WDPCP: variants seen among roughly 807,000 people sequenced by gnomAD.
WDPCP encodes WD repeat-containing and planar cell polarity effector protein fritz homolog.
WDPCP carries 71 observed loss-of-function variants against 93.1 expected under a neutral mutation model. The observed-to-expected ratio is 0.76, with a 90% CI of 0.63 to 0.93. The LOEUF (loss-of-function observed/expected upper bound fraction) is 0.93, where lower values mean the gene tolerates loss of function less well. Among genes scored for constraint, WDPCP ranks in the 40% least tolerant of loss-of-function variants. The probability of loss-of-function intolerance (pLI) is 0.00; values close to 1 mark genes in which losing one functional copy is unlikely to be tolerated. For missense variants in WDPCP, 844 were observed against 887.4 expected (o/e 0.95, Z 0.62); for synonymous variants, 315 against 315.0 (o/e 1.00, Z 0.00).
chr2:63,519,248 T>G (rs1187382643), intron 1 of WDPCP: 1 of 152,290 alleles, frequency 6.6e-6, no homozygotes, highest in Non-Finnish European at 1.5e-5. Flanking sequence ...AGCCCTGCCC[T>G]CTGCCCTGCA....
chr2:63,451,713 G>A (rs1178439499), intron 6 of WDPCP, among the ~76,000 whole-genome samples: 5 of 152,116 alleles, frequency 3.3e-5, no homozygotes, highest in African/African-American at 4.8e-5. Context: ...CTGGCAAACC[G>A]AATCCAGCAG....
At chr2:63,713,356 C>T (rs1669289945) in intron 2 of WDPCP, among the ~76,000 whole-genome samples, 2 of 152,158 alleles carry the variant, frequency 1.3e-5, no homozygotes, top group African/African-American at 4.8e-5. Context: ...CTTTATCAAG[C>T]ATAGAGGGAT....
At chr2:63,242,825 G>C (rs1338033781) in intron 14 of WDPCP, among the ~76,000 whole-genome samples, 2 of 152,172 alleles carry the variant, frequency 1.3e-5, no homozygotes, top group Admixed American at 1.3e-4. Context: ...CTCCTGGGTT[G>C]TAGCCTGAAC....
chr2:63,709,478 G>T (rs1462915493), intron 2 of WDPCP, among the ~76,000 whole-genome samples: 1 of 152,076 alleles, frequency 6.6e-6, no homozygotes, highest in Non-Finnish European at 1.5e-5. Context: ...ATTACGCTAT[G>T]AAAAATATTC....
chr2:63,173,268 CAAAAA>C (rs10714315), intron 15 of WDPCP, among the ~76,000 whole-genome samples: 1 of 123,984 alleles, frequency 8.1e-6, no homozygotes, highest in Non-Finnish European at 1.6e-5. Context: ...AACTCTGTCG[CAAAAA>C]AAAAAAAAAA....
At chr2:63,612,391 G>A (rs1709623750) in intron 3 of WDPCP, among the ~76,000 whole-genome samples, 1 of 152,148 alleles carries the variant, frequency 6.6e-6, no homozygotes, top group South Asian at 2.1e-4. Context: ...TGCCACTTTA[G>A]CATAAGAAGT....
chr2:63,577,214 A>T, intron 1 of WDPCP, among the ~76,000 whole-genome samples: 1 of 152,194 alleles, frequency 6.6e-6, no homozygotes, highest in Non-Finnish European at 1.5e-5. Context: ...ATCTTGCCTT[A>T]TATTAGTAAG....
intron 2 of WDPCP, among the ~76,000 whole-genome samples, chr2:63,707,266 A>G (rs555143321): frequency 1.3e-5 from 2 of 152,260 alleles, no homozygotes; most frequent in East Asian, 1.9e-4. Context: ...AGGTACACCA[A>G]TCAGATGTAG....
chr2:63,599,044 T>C, intron 3 of WDPCP: 1 of 752,056 alleles, frequency 1.3e-6, no homozygotes, highest in East Asian at 2.9e-5. Flanking sequence ...TGCTATATTG[T>C]ATTTGGTGTT....
chr2:63,230,035 C>A (rs978611016), intron 14 of WDPCP, among the ~76,000 whole-genome samples: 2 of 151,444 alleles, frequency 1.3e-5, no homozygotes, highest in South Asian at 4.2e-4. Flanking sequence ...TGCTGCACCC[C>A]TTAACTCATC....
At chr2:63,535,700 C>T (rs1704222498) in intron 1 of WDPCP, among the ~76,000 whole-genome samples, 1 of 152,108 alleles carries the variant, frequency 6.6e-6, no homozygotes, top group African/African-American at 2.4e-5. Context: ...ACACTTTATA[C>T]AAAAATTAAT....
At chr2:63,252,305 T>C (rs1270765588) in intron 14 of WDPCP, among the ~76,000 whole-genome samples, 3 of 152,186 alleles carry the variant, frequency 2.0e-5, no homozygotes, top group Admixed American at 6.5e-5. Context: ...GAGCCATCTA[T>C]GACAAACCCA....
chr2:63,669,564 T>G (rs1313926490), intron 2 of WDPCP, among the ~76,000 whole-genome samples: 2 of 152,088 alleles, frequency 1.3e-5, no homozygotes, highest in East Asian at 3.9e-4. Context: ...TTTGCCATGA[T>G]GGCCAGGCTG....
At chr2:63,277,948 CATTCT>C (rs2104910738) in intron 13 of WDPCP, among the ~76,000 whole-genome samples, 1 of 152,268 alleles carries the variant, frequency 6.6e-6, no homozygotes, top group Non-Finnish European at 1.5e-5. Flanking sequence ...GCAGAATATA[CATTCT>C]ATTCATCAGC....
intron 15 of WDPCP, among the ~76,000 whole-genome samples, chr2:63,166,567 ATTTT>A (rs1385173459): frequency 1.3e-5 from 2 of 151,006 alleles, no homozygotes; most frequent in Non-Finnish European, 2.9e-5. Flanking sequence ...ATTTTTTTGT[ATTTT>A]TAGTAGAGAC....
At chr2:63,678,384 C>A (rs1275177420) in intron 2 of WDPCP, among the ~76,000 whole-genome samples, 1 of 152,196 alleles carries the variant, frequency 6.6e-6, no homozygotes, top group Non-Finnish European at 1.5e-5. Flanking sequence ...GACTGTTTCA[C>A]AGGGCACCCC....
At chr2:63,272,688 C>A (rs543571761) in intron 13 of WDPCP, among the ~76,000 whole-genome samples, 1 of 152,234 alleles carries the variant, frequency 6.6e-6, no homozygotes, top group Non-Finnish European at 1.5e-5. Flanking sequence ...AAAAACACAA[C>A]TGAGGATTTA....
chr2:63,599,386 T>C (rs1447557404), intron 3 of WDPCP: 2 of 1,357,528 alleles, frequency 1.5e-6, no homozygotes, highest in Non-Finnish European at 2.0e-6. Context: ...TGTGCTTTTT[T>C]CTTGTTTTTG....
At chr2:63,420,826 G>A (rs1330689065) in intron 9 of WDPCP, among the ~76,000 whole-genome samples, 4 of 152,198 alleles carry the variant, frequency 2.6e-5, no homozygotes, top group African/African-American at 7.2e-5. Context: ...TTAAACTGCT[G>A]TAGAGCATTC....
Sources: allele counts gnomAD v4.1 joint callset (sites outside exome capture counted in the v4.1 genomes callset), GRCh38; gene constraint gnomAD v4.1.1; transcripts MANE v1.5; gene names NCBI Gene and HGNC (gene_info 2026-07-23, HGNC 2026-07-21).